The following MGAT4C variants were observed in gnomAD, a reference collection of about 807,000 sequenced individuals.
The protein encoded by MGAT4C is alpha-1,3-mannosyl-glycoprotein 4-beta-N-acetylglucosaminyltransferase C.
In MGAT4C, 19 loss-of-function variants were observed where a neutral mutation model predicts 40.1. The observed-to-expected ratio is 0.47, with a 90% CI of 0.33 to 0.70. MGAT4C has a LOEUF of 0.70. MGAT4C is among the 30% of genes least tolerant of loss of function. MGAT4C has a pLI of 0.02. For synonymous variants in MGAT4C, 181 were observed against 187.1 expected (o/e 0.97, Z 0.27); for missense variants, 491 against 563.2 (o/e 0.87, Z 1.30).
At chr12:86,126,791 C>T (rs1880346325) in intron 1 of MGAT4C, among the ~76,000 whole-genome samples, 2 of 152,272 alleles carry the variant, frequency 1.3e-5, no homozygotes, top group South Asian at 4.1e-4. Flanking sequence ...AGTGTACTAA[C>T]ATGAATCTAG....
chr12:86,392,269 C>G (rs370766218), intron 3 of MGAT4C, among the ~76,000 whole-genome samples: 61 of 152,154 alleles, frequency 4.0e-4, no homozygotes, highest in African/African-American at 1.3e-3. Flanking sequence ...GTCAGGAGTT[C>G]AAGACCAGCC....
chr12:86,747,609 C>T (rs1387923771), intron 1 of MGAT4C, among the ~76,000 whole-genome samples: 1 of 151,414 alleles, frequency 6.6e-6, no homozygotes, highest in African/African-American at 2.4e-5. Flanking sequence ...TGATCTTTTT[C>T]TTTTTCAGAG....
At chr12:86,466,393 T>C (rs763674033) in intron 2 of MGAT4C, among the ~76,000 whole-genome samples, 2 of 152,058 alleles carry the variant, frequency 1.3e-5, no homozygotes, top group African/African-American at 4.8e-5. Flanking sequence ...ATGAAAAGAT[T>C]TGGAGGAAAC....
chr12:86,286,588 T>C (rs1953356973), intron 4 of MGAT4C, among the ~76,000 whole-genome samples: 1 of 152,102 alleles, frequency 6.6e-6, no homozygotes, highest in Non-Finnish European at 1.5e-5. Context: ...AAATTTTTCT[T>C]TTTAAATTTT....
chr12:86,491,455 G>C (rs1958132410), intron 2 of MGAT4C, among the ~76,000 whole-genome samples: 3 of 152,092 alleles, frequency 2.0e-5, no homozygotes, highest in Non-Finnish European at 2.9e-5. Context: ...CCAAGATCAA[G>C]TGGGCTTCAT....
chr12:86,151,310 G>A (rs1593081244), intron 1 of MGAT4C, among the ~76,000 whole-genome samples: 1 of 150,442 alleles, frequency 6.6e-6, no homozygotes, highest in East Asian at 2.0e-4. Context: ...ACACACAGCG[G>A]AAAAAAAAAA....
At chr12:86,449,378 C>T (rs181674630) in intron 2 of MGAT4C, among the ~76,000 whole-genome samples, 1 of 152,234 alleles carries the variant, frequency 6.6e-6, no homozygotes, top group East Asian at 1.9e-4. Flanking sequence ...GTATGCTCCT[C>T]TATGATTTCA....
chr12:86,191,089 A>ACG (rs1566117808), intron 1 of MGAT4C, among the ~76,000 whole-genome samples: 1 of 18,016 alleles, frequency 5.6e-5, no homozygotes, highest in Non-Finnish European at 1.1e-4. Flanking sequence ...CTCTGCACAC[A>ACG]CACACACACA....
At chr12:86,582,017 G>A (rs1960798066) in intron 2 of MGAT4C, among the ~76,000 whole-genome samples, 1 of 151,382 alleles carries the variant, frequency 6.6e-6, no homozygotes, top group Admixed American at 6.6e-5. Flanking sequence ...TCTATGATAA[G>A]TACAAGTTTT....
At chr12:86,634,883 A>G (rs533392694) in intron 2 of MGAT4C, among the ~76,000 whole-genome samples, 12 of 152,188 alleles carry the variant, frequency 7.9e-5, no homozygotes, top group Middle Eastern at 3.4e-3. Flanking sequence ...TCATGAAAAG[A>G]AGGAGATTAT....
intron 2 of MGAT4C, among the ~76,000 whole-genome samples, chr12:86,661,871 G>A (rs1396301600): frequency 6.6e-6 from 1 of 152,118 alleles, no homozygotes; most frequent in South Asian, 2.1e-4. Flanking sequence ...CCTGGGAGGT[G>A]TAGGTTGTAG....
At chr12:86,432,941 A>T (rs1957068905) in intron 3 of MGAT4C, among the ~76,000 whole-genome samples, 2 of 152,052 alleles carry the variant, frequency 1.3e-5, no homozygotes, top group Non-Finnish European at 2.9e-5. Flanking sequence ...AATGGAAGAA[A>T]TCACTTTCCC....
At chr12:86,660,678 A>T (rs369560111) in intron 2 of MGAT4C, among the ~76,000 whole-genome samples, 1 of 152,198 alleles carries the variant, frequency 6.6e-6, no homozygotes, top group African/African-American at 2.4e-5. Flanking sequence ...CCTAGAGGAC[A>T]CTAATATTTA....
In MGAT4C at chr12:86,532,930, C is replaced by A. The variant is rs144948082; in HGVS notation, c.-228-97665G>T. Among the ~76,000 whole-genome samples, 44 of 152,004 alleles carry A rather than the reference C, an allele frequency of 2.9e-4. 1 individual carries two copies. The highest frequency in any genetic ancestry group is 7.5e-4 in the African/African-American group (31 of 41,470). ...AATAAAACTCTGACAATTACAGAGA[C>A]GATTTATTATATTCTAGGCATTCTG... On this transcript the variant is annotated intron_variant, in intron 2 of 7. Coordinates refer to the MGAT4C transcript ENST00000548651.
intron 2 of MGAT4C, among the ~76,000 whole-genome samples, chr12:86,511,469 G>T (rs1043039784): frequency 6.6e-6 from 1 of 152,050 alleles, no homozygotes; most frequent in Non-Finnish European, 1.5e-5. Context: ...CTTCCAGATT[G>T]TCCAGTGTTC....
intron 4 of MGAT4C, among the ~76,000 whole-genome samples, chr12:86,273,054 A>G (rs1952988475): frequency 1.3e-5 from 2 of 152,112 alleles, no homozygotes; most frequent in Non-Finnish European, 2.9e-5. Context: ...GACTTTTTGG[A>G]GTCCTTTAAA....
intron 1 of MGAT4C, among the ~76,000 whole-genome samples, chr12:86,118,325 T>C (rs1488001783): frequency 6.6e-6 from 1 of 152,136 alleles, no homozygotes; most frequent in African/African-American, 2.4e-5. Flanking sequence ...CCAAATGTTA[T>C]AGATGACAAA....
intron 2 of MGAT4C, among the ~76,000 whole-genome samples, chr12:86,500,906 T>C (rs1474649567): frequency 6.6e-6 from 1 of 152,064 alleles, no homozygotes. Context: ...GTAATCTTAG[T>C]TTATCATGTG....
intron 4 of MGAT4C, among the ~76,000 whole-genome samples, chr12:86,268,450 T>A (rs575310590): frequency 1.3e-5 from 2 of 151,772 alleles, no homozygotes; most frequent in Non-Finnish European, 2.9e-5. Flanking sequence ...TATAAAGGAT[T>A]TTTTTTTCTT....
Sources: allele counts gnomAD v4.1 joint callset (sites outside exome capture counted in the v4.1 genomes callset), GRCh38; gene constraint gnomAD v4.1.1; transcripts MANE v1.5; gene names NCBI Gene and HGNC (gene_info 2026-07-23, HGNC 2026-07-21).